NEURL4: variants seen among roughly 807,000 people sequenced by gnomAD.
NEURL4 encodes neuralized E3 ubiquitin protein ligase 4.
In NEURL4, 45 loss-of-function variants were observed where a neutral mutation model predicts 148.0. That is an observed-to-expected ratio of 0.30 (90% CI 0.24 to 0.39). NEURL4 has a LOEUF of 0.39. Ranked by LOEUF, NEURL4 falls within the 10% of genes least tolerant of loss-of-function variation. The probability of loss-of-function intolerance (pLI) is 1.00; values close to 1 mark genes in which losing one functional copy is unlikely to be tolerated. For synonymous variants in NEURL4, 854 were observed against 869.0 expected (o/e 0.98, Z 0.30); for missense variants, 1,776 against 2,144.0 (o/e 0.83, Z 3.39).
At chr17:7,320,155 C>T (rs1008201766) in intron 21 of NEURL4, among the ~76,000 whole-genome samples, 43 of 149,896 alleles carry the variant, frequency 2.9e-4, no homozygotes, top group African/African-American at 1.0e-3. Flanking sequence ...TTTTAAGATA[C>T]AAGGTCTTGC....
chr17:7,324,648 C>A lies in NEURL4; in HGVS notation c.1813+151G>T. On this transcript the variant is annotated intron_variant, in intron 9 of 28. Transcript: ENST00000399464. This position sits in a 1 kb window ranked among gnomAD's most constrained non-coding sequence, Gnocchi z 5.9. ...GAAAACTCTGCAGCTTCCAAGACAGCCACAGCCCTGCCCACGGGACACTCT... is the reference window on the plus strand; with the variant it reads ...GAAAACTCTGCAGCTTCCAAGACAGACACAGCCCTGCCCACGGGACACTCT... 1 of 1,056,242 alleles carries A rather than the reference C, an allele frequency of 9.5e-7. No individual in the cohort carries two copies. Among genetic ancestry groups the A allele is most frequent in the Non-Finnish European group, 1.4e-6 (1 of 716,702 alleles). The allele number at this position is 1,056,242 out of a possible 1,614,324, so 65.4% of individuals were successfully genotyped here. A position where few individuals can be genotyped will look rare whatever the true frequency, so the allele number is the denominator to read the frequency against.
chr17:7,317,037 A>G (rs1221982860), intron 28 of NEURL4, among the ~76,000 whole-genome samples, 168 bp downstream of exon 28: 2 of 152,198 alleles, frequency 1.3e-5, no homozygotes, highest in Non-Finnish European at 2.9e-5. Flanking sequence ...AGAAGAGTAT[A>G]TAAGTAGTAT....
rs2073101280 is a variant in NEURL4 at position 7,326,177 on chromosome 17, T to C, written c.1293+78A>G. The C allele has an allele frequency of 1.4e-6, 2 of 1,412,490 alleles. No homozygotes were observed. The highest frequency in any genetic ancestry group is 2.0e-6 in the Non-Finnish European group (2 of 1,012,702). The allele number at this position is 1,412,490 out of a possible 1,614,324, so 87.5% of individuals were successfully genotyped here. A position where few individuals can be genotyped will look rare whatever the true frequency, so the allele number is the denominator to read the frequency against. On this transcript the variant is annotated intron_variant, in intron 6 of 28. Transcript: ENST00000399464. This position sits in a 1 kb window ranked among gnomAD's most constrained non-coding sequence, Gnocchi z 6.0. The stretch of plus-strand genomic sequence containing the variant: ...TGCCTCTAGGTCACATAGGAGACCC[T>C]GCTTGGTGCCCTGGCAGGGACACAG...
Position 7,317,511 on chromosome 17 carries a change from C to T in NEURL4, c.4268G>A (p.Ser1423Asn). 2.5e-6 allele frequency: 4 copies of T among 1,614,226 alleles called. No individual in the cohort carries two copies. The highest frequency in any genetic ancestry group is 2.5e-6 in the Non-Finnish European group (3 of 1,180,036). The change falls in exon 27 of 29, where the codon AGC (serine) becomes AAC (asparagine). Residue 1423 changes from serine (S) to asparagine (N), a missense_variant. Coordinates refer to ENST00000399464, the MANE Select transcript of NEURL4 (RefSeq NM_032442.3). ...TKKWHMAYHG[S>N]NVAAVRRVLD... ...CACTCTCCGTACAGCGGCAACATTGCTCCCGTGATATGCCATGTGCCACTT... is the reference window on the plus strand; with the variant it reads ...CACTCTCCGTACAGCGGCAACATTGTTCCCGTGATATGCCATGTGCCACTT...
In NEURL4 at chr17:7,324,366, G is replaced by C; in HGVS notation, c.1899+29C>G. On this transcript the variant is annotated intron_variant, in intron 10 of 28. Transcript: ENST00000399464. The surrounding 1 kb of genome is among the most constrained non-coding windows in gnomAD (Gnocchi z 5.9). ...CGCGGTGTTTGTGATGCCCGCTGCG[G>C]CCGCCAGGCGGCGCACCCACTTTCC... 6.2e-7 allele frequency: 1 copy of C among 1,613,982 alleles called. No homozygotes were observed. Among genetic ancestry groups the C allele is most frequent in the East Asian group, 2.2e-5 (1 of 44,876 alleles).
At position 7,321,437 on chromosome 17, in the gene NEURL4, C is replaced by T. The variant is rs200325765; in HGVS notation, c.3122G>A (p.Arg1041His). Reference sequence around the variant, plus strand: ...GTGCATCGTGTCATCTGCCCCCCGACGAACACCCACACGGCTCCCCACCTA... The same window carrying T: ...GTGCATCGTGTCATCTGCCCCCCGATGAACACCCACACGGCTCCCCACCTA... ...RLGVGSRVGV[R>H]RGADDTMHIL... The change falls in exon 19 of 29, where the codon CGT (arginine) becomes CAT (histidine). Residue 1041 changes from arginine to histidine, a missense_variant. By Grantham distance (29) the Arg-to-His change is conservative. Transcript: ENST00000399464. This position sits in a 1 kb window ranked among gnomAD's most constrained non-coding sequence, Gnocchi z 6.3. 1.4e-4 allele frequency: 229 copies of T among 1,614,110 alleles called. 1 individual carries two copies. The East Asian group carries it at 1.5e-3, about 11-fold the overall frequency.
Position 7,324,681 on chromosome 17 carries a change from C to T in NEURL4, c.1813+118G>A, listed in dbSNP as rs1027586345. 2 of 1,232,410 alleles carry T rather than the reference C, an allele frequency of 1.6e-6. No homozygotes were observed. The highest frequency in any genetic ancestry group is 3.9e-5 in the Admixed American group (2 of 51,870). 76.3% of individuals were successfully genotyped at this position (1,232,410 alleles called of 1,614,324 possible). ...CTGCCCACGGGACACTCTCTAGCCA[C>T]TGAATGAGTGGTCACAAGAGTGACA... On this transcript the variant is annotated intron_variant, in intron 9 of 28. Transcript: ENST00000399464. This position sits in a 1 kb window ranked among gnomAD's most constrained non-coding sequence, Gnocchi z 5.9.
Position 7,327,393 on chromosome 17 carries a change from C to G in NEURL4, c.727+47G>C, listed in dbSNP as rs1325253878. ...CAGCCTGTCTTGTCACTCTATTTCC[C>G]CCATTCCGTCCCCACCCCACCACCA... On this transcript the variant is annotated intron_variant, in intron 2 of 28. Coordinates refer to ENST00000399464, the MANE Select transcript of NEURL4 (RefSeq NM_032442.3). This position sits in a 1 kb window ranked among gnomAD's most constrained non-coding sequence, Gnocchi z 6.6. 6.7e-7 allele frequency: 1 copy of G among 1,489,892 alleles called. No individual in the cohort carries two copies. 92.3% of individuals were successfully genotyped at this position (1,489,892 alleles called of 1,614,324 possible).
rs199774639 is a variant in NEURL4, at chr17:7,317,914, G to A, written c.4079C>T (p.Pro1360Leu). ...ACAGTAGCACAGGCTTCGCTTTGGC[G>A]GAGGCATGAAATAATCTTCTGCGGG... The part of the protein sequence containing the change: ...LLLPEDYFMP[P>L]PKRSLCYCES... The change falls in exon 26 of 29, where the codon CCG becomes CTG. Residue 1360 changes from proline to leucine, a missense_variant. Physicochemically the swap from Pro to Leu is moderately conservative, Grantham distance 98. Coordinates refer to ENST00000399464, the MANE Select transcript of NEURL4 (RefSeq NM_032442.3). The A allele has an allele frequency of 4.3e-5, 69 of 1,614,226 alleles. No homozygotes were observed. The highest frequency in any genetic ancestry group is 3.7e-4 in the African/African-American group (28 of 75,068).
chr17:7,322,879 G>T lies in NEURL4; in HGVS notation c.2594-13C>A. ...ACCGCATACACCTCTGGGGAGGAGA[G>T]GGAAGGTCAGAAGCCTGACAGCCAG... On this transcript the variant is annotated splice_polypyrimidine_tract_variant and intron_variant, in intron 15 of 28. Coordinates refer to ENST00000399464, the MANE Select transcript of NEURL4 (RefSeq NM_032442.3). The surrounding 1 kb of genome is among the most constrained non-coding windows in gnomAD (Gnocchi z 5.5). 6.2e-7 allele frequency: 1 copy of T among 1,611,992 alleles called. No individual in the cohort carries two copies. Among genetic ancestry groups the T allele is most frequent in the Non-Finnish European group, 8.5e-7 (1 of 1,178,224 alleles).
At position 7,325,306 on chromosome 17, in the gene NEURL4, G is replaced by T; in HGVS notation, c.1534C>A (p.Pro512Thr). 6.2e-7 allele frequency: 1 copy of T among 1,611,624 alleles called. No homozygotes were observed. ...SPEGALRRAA[P>T]AAQAEPERLL... ...CGCTCAGGTTCTGCCTGGGCGGCAG[G>T]GGCAGCACGGCGGAGAGCACCCTCG... Residue 512 changes from proline (P) to threonine (T), a missense_variant, in exon 8 of 29, where the codon CCT (proline) becomes ACT (threonine). Pro to Thr is a conservative substitution (Grantham distance 38). Coordinates refer to ENST00000399464, the MANE Select transcript of NEURL4 (RefSeq NM_032442.3).
chr17:7,316,837 G>A (rs1334648819), intron 28 of NEURL4, among the ~76,000 whole-genome samples: 1 of 152,030 alleles, frequency 6.6e-6, no homozygotes, highest in Non-Finnish European at 1.5e-5. Flanking sequence ...CAGGAGAATC[G>A]CTTGAACCCA....
intron 26 of NEURL4, 65 bp from the exon 27 acceptor site, chr17:7,317,638 C>T (rs2072967867): frequency 1.3e-5 from 20 of 1,565,092 alleles, no homozygotes; most frequent in Non-Finnish European, 1.8e-5. Context: ...AGGAGCTTCA[C>T]GAGGCTCTTC....
chr17:7,318,933 G>A lies in NEURL4; in HGVS notation c.3684+117C>T, dbSNP rs2072988861. The A allele has an allele frequency of 4.9e-6, 6 of 1,214,450 alleles. No individual in the cohort carries two copies. Among genetic ancestry groups the A allele is most frequent in the Non-Finnish European group, 6.9e-6 (6 of 871,096 alleles). The allele number at this position is 1,214,450 out of a possible 1,614,324, so 75.2% of individuals were successfully genotyped here. Reference sequence around the variant, plus strand: ...TACTCGCCCTTGCCTGCCCATTACTGTTCCCCTTTTACACCTGTGGTCCTA... The same window carrying A: ...TACTCGCCCTTGCCTGCCCATTACTATTCCCCTTTTACACCTGTGGTCCTA... On this transcript the variant is annotated intron_variant, in intron 22 of 28. Transcript: ENST00000399464. This position sits in a 1 kb window ranked among gnomAD's most constrained non-coding sequence, Gnocchi z 4.3.
rs2072941869 is a variant in NEURL4, at chr17:7,316,171, C to T, written c.4641G>A (p.Lys1547=). The T allele has an allele frequency of 1.2e-6, 2 of 1,602,280 alleles. No individual in the cohort carries two copies. Among genetic ancestry groups the T allele is most frequent in the South Asian group, 2.2e-5 (2 of 90,852 alleles). ...CACAGAGGAGTGTGGCCCCCTTCTCCTTAGTGACCCACTCAAGTTCGGCTG... is the reference window on the plus strand; with the variant it reads ...CACAGAGGAGTGTGGCCCCCTTCTCTTTAGTGACCCACTCAAGTTCGGCTG... ...FSPAELEWVT[K]EKGATLLCAL... Residue 1547 remains lysine, a synonymous_variant, in exon 29 of 29, where the codon AAG becomes AAA. Coordinates refer to ENST00000399464, the MANE Select transcript of NEURL4 (RefSeq NM_032442.3).
At position 7,324,339 on chromosome 17, in the gene NEURL4, C is replaced by T. The variant is rs1002404031; in HGVS notation, c.1899+56G>A. 2 of 1,613,932 alleles carry T rather than the reference C, an allele frequency of 1.2e-6. No individual in the cohort carries two copies. The highest frequency in any genetic ancestry group is 1.7e-6 in the Non-Finnish European group (2 of 1,179,962). ...CTGCCGGGGCTGGTCCTGCATCAGC[C>T]CCGCGGTGTTTGTGATGCCCGCTGC... On this transcript the variant is annotated intron_variant, in intron 10 of 28. Coordinates refer to ENST00000399464, the MANE Select transcript of NEURL4 (RefSeq NM_032442.3). This position sits in a 1 kb window ranked among gnomAD's most constrained non-coding sequence, Gnocchi z 5.9.
At position 7,318,054 on chromosome 17, in the gene NEURL4, GTGGGA is replaced by G; in HGVS notation, c.4060+6_4060+10del. 1.2e-6 allele frequency: 2 copies of G among 1,613,944 alleles called. No individual in the cohort carries two copies. Among genetic ancestry groups the G allele is most frequent in the Non-Finnish European group, 1.7e-6 (2 of 1,179,786 alleles). On this transcript the variant is annotated splice_donor_region_variant and intron_variant, in intron 25 of 28. Coordinates refer to ENST00000399464, the MANE Select transcript of NEURL4 (RefSeq NM_032442.3). The surrounding 1 kb of genome is among the most constrained non-coding windows in gnomAD (Gnocchi z 4.3). The stretch of plus-strand genomic sequence containing the variant: ...GGAATGAAGTCAGTTCTGGCGGACT[GTGGGA>G]CTCACCGGGAAGCAGCAGGAGTTCT...
intron 8 of NEURL4, 112 bp downstream of exon 8, chr17:7,325,097 C>T (rs2073084740): frequency 1.9e-6 from 3 of 1,538,478 alleles, no homozygotes; most frequent in Non-Finnish European, 2.6e-6. Context: ...TAAAGCTCAA[C>T]CTCCAGGAAG....
intron 7 of NEURL4, 34 bp downstream of exon 7, chr17:7,325,607 C>T (rs774171785): frequency 1.5e-5 from 24 of 1,607,440 alleles, no homozygotes; most frequent in Non-Finnish European, 2.0e-5. Flanking sequence ...CACCGAAAGC[C>T]CCGGCCCAGA....
Sources: gnomAD v4.1 joint callset for allele counts (sites outside exome capture counted in the v4.1 genomes callset) on GRCh38, gnomAD v4.1.1 for gene constraint, Gnocchi (gnomAD v3.1) non-coding constraint, MANE v1.5 for transcripts, NCBI Gene and HGNC (gene_info 2026-07-23, HGNC 2026-07-21) for gene names.